Variants in SLC9A9 observed in about 807,000 individuals in gnomAD.
The protein encoded by SLC9A9 is solute carrier family 9 member A9, also known as sodium/hydrogen exchanger 9.
A neutral mutation model predicts 77.8 loss-of-function variants in SLC9A9; 62 were observed. The ratio of observed to expected loss-of-function variants is 0.80; its 90% confidence interval spans 0.65 to 0.98. The LOEUF (loss-of-function observed/expected upper bound fraction) is 0.98. Among genes scored for constraint, SLC9A9 ranks in the 50% least tolerant of loss-of-function variants. SLC9A9 has a pLI of 0.00. For missense variants in SLC9A9, 775 were observed against 774.9 expected, an observed-to-expected ratio of 1.00 and a Z score of 0.00; for synonymous variants, 320 against 283.5, an observed-to-expected ratio of 1.13 and a Z score of -1.29.
chr3:143,652,778 T>TACACACACACACACACACACACACAC (rs369670861), intron 5 of SLC9A9, among the ~76,000 whole-genome samples: 4 of 82,436 alleles, frequency 4.9e-5, no homozygotes, highest in Admixed American at 1.3e-4. Flanking sequence ...ATTCCTTAAA[T>TACACACACACACACACACACACACAC]ACACACACAC....
chr3:143,526,117 T>C (rs1352474823), intron 9 of SLC9A9, among the ~76,000 whole-genome samples: 2 of 152,198 alleles, frequency 1.3e-5, no homozygotes, highest in African/African-American at 4.8e-5. Flanking sequence ...ATTGAAAGCT[T>C]TTGGCCAGTG....
At position 143,268,970 on chromosome 3, in the gene SLC9A9, G is replaced by C. The variant is rs1215303015; in HGVS notation, c.1615C>G (p.Pro539Ala). The change falls in exon 15 of 16, where the codon CCA (proline) becomes GCA (alanine). Residue 539 changes from proline (P) to alanine (A), a missense_variant. Physicochemically the swap from Pro to Ala is conservative, Grantham distance 27 (BLOSUM62 -1). Transcript: ENST00000316549. ...GGAGGACCAGAGTGGGTTAAAATTG[G>C]TTTCAGATACCTGGGAGGCCTGTTA... ...WYSFDHKYLK[P>A]ILTHSGPPLT... is the part of the protein sequence containing the mutation. The C allele has an allele frequency of 4.3e-6, 7 of 1,612,922 alleles. No individual in the cohort carries two copies. The highest frequency in any genetic ancestry group is 5.1e-6 in the Non-Finnish European group (6 of 1,179,116).
intron 6 of SLC9A9, among the ~76,000 whole-genome samples, chr3:143,583,930 C>A (rs372806957): frequency 1.3e-5 from 2 of 152,090 alleles, no homozygotes; most frequent in South Asian, 4.2e-4. Flanking sequence ...TTGTTTTGTG[C>A]AGAATGGTGT....
chr3:143,603,830 G>A lies in SLC9A9; in HGVS notation c.756-25107C>T, dbSNP rs762033802. On this transcript the variant is annotated intron_variant, in intron 6 of 15. Transcript: ENST00000316549. ...AGCAGATCACCAGAAACAACCTGAC[G>A]TGAGTATTTTAGCAGTGGCTTTATT... Among the ~76,000 whole-genome samples, 8 of 152,200 alleles carry A rather than the reference G, an allele frequency of 5.3e-5. No individual in the cohort carries two copies. The East Asian group carries it at 7.7e-4, about 15-fold the overall frequency.
At chr3:143,279,848 G>A (rs1938163674) in intron 14 of SLC9A9, among the ~76,000 whole-genome samples, 1 of 152,052 alleles carries the variant, frequency 6.6e-6, no homozygotes, top group Non-Finnish European at 1.5e-5. Flanking sequence ...AAAAAAACAG[G>A]GTCTTGCTCT....
chr3:143,589,176 AT>A (rs1280838973), intron 6 of SLC9A9, among the ~76,000 whole-genome samples: 1 of 152,208 alleles, frequency 6.6e-6, no homozygotes, highest in African/African-American at 2.4e-5. Context: ...AGCATTCACT[AT>A]GTGTCAAGCA....
chr3:143,765,037 CTCTT>C (rs2007264321), intron 4 of SLC9A9, among the ~76,000 whole-genome samples: 2 of 147,874 alleles, frequency 1.4e-5, no homozygotes, highest in Admixed American at 6.8e-5. Flanking sequence ...TTCTCTCTTT[CTCTT>C]TCTTTTTCTT....
intron 9 of SLC9A9, among the ~76,000 whole-genome samples, chr3:143,500,132 T>G (rs1198264752): frequency 6.6e-6 from 1 of 152,162 alleles, no homozygotes; most frequent in Non-Finnish European, 1.5e-5. Context: ...TGTAGGAAGA[T>G]TTTTAATTAC....
At chr3:143,351,105 T>C (rs1269588283) in intron 14 of SLC9A9, among the ~76,000 whole-genome samples, 1 of 152,220 alleles carries the variant, frequency 6.6e-6, no homozygotes, top group Non-Finnish European at 1.5e-5. Flanking sequence ...TTTTTGATTA[T>C]GATCCCATTA....
rs1432043655 is a variant in SLC9A9, at chr3:143,693,243, GAA to G, written c.596_597del (p.Phe199SerfsTer4). 2 of 1,613,382 alleles carry G rather than the reference GAA, an allele frequency of 1.2e-6. No homozygotes were observed. Among genetic ancestry groups the G allele is most frequent in the Non-Finnish European group, 1.7e-6 (2 of 1,179,582 alleles). On this transcript the variant is annotated frameshift_variant, in exon 5 of 16. Transcript: ENST00000316549. LOFTEE classifies it high-confidence loss of function. ...IHAGQLKNGD[F>X]HFTDCLFFGS... ...CCAAAAAATAAACAGTCAGTGAAATGAAAGTCTCCATTTTTCAGCTGGCCAGC... is the reference window on the plus strand; with the variant it reads ...CCAAAAAATAAACAGTCAGTGAAATGAGTCTCCATTTTTCAGCTGGCCAGC...
chr3:143,439,267 T>C (rs912927908), intron 12 of SLC9A9, among the ~76,000 whole-genome samples: 7 of 151,976 alleles, frequency 4.6e-5, no homozygotes, highest in African/African-American at 1.5e-4. Context: ...TGCAGAAAGG[T>C]GAAATAACTT....
intron 14 of SLC9A9, among the ~76,000 whole-genome samples, chr3:143,341,408 A>G (rs1423212624): frequency 6.6e-6 from 1 of 152,190 alleles, no homozygotes; most frequent in African/African-American, 2.4e-5. Context: ...GGAGGGCAAG[A>G]GAGTCATCCC....
At chr3:143,608,037 G>A (rs965587783) in intron 6 of SLC9A9, among the ~76,000 whole-genome samples, 1 of 152,052 alleles carries the variant, frequency 6.6e-6, no homozygotes, top group Non-Finnish European at 1.5e-5. Flanking sequence ...CAAATAAAGT[G>A]TAATATATAA....
chr3:143,526,210 G>A (rs1380228697), intron 9 of SLC9A9, among the ~76,000 whole-genome samples: 2 of 152,194 alleles, frequency 1.3e-5, no homozygotes, highest in African/African-American at 4.8e-5. Flanking sequence ...GGGGAAGATA[G>A]TGGGCAAAGC....
intron 14 of SLC9A9, among the ~76,000 whole-genome samples, chr3:143,294,703 T>C (rs2030168493): frequency 6.6e-6 from 1 of 152,208 alleles, no homozygotes; most frequent in African/African-American, 2.4e-5. Context: ...TTTTAAATCT[T>C]ACTTCCACTG....
At chr3:143,744,509 A>G (rs564685195) in intron 4 of SLC9A9, among the ~76,000 whole-genome samples, 2 of 152,264 alleles carry the variant, frequency 1.3e-5, no homozygotes, top group African/African-American at 2.4e-5. Flanking sequence ...GGATAATAAA[A>G]TATCTCTCTC....
chr3:143,574,184 A>C lies in SLC9A9; in HGVS notation c.904T>G (p.Phe302Val). 6.2e-7 allele frequency: 1 copy of C among 1,613,040 alleles called. No homozygotes were observed. Among genetic ancestry groups the C allele is most frequent in the South Asian group, 1.1e-5 (1 of 91,054 alleles). ...YAIITALLTKFTKLCEFPMLE... is the reference protein window; with the variant it reads ...YAIITALLTKVTKLCEFPMLE... ...ATCGGGAACTCACACAGCTTGGTAA[A>C]TTTGGTCAAGTGAGGAAGATAAGTT... The change falls in exon 8 of 16, where the codon TTT becomes GTT. Residue 302 changes from phenylalanine to valine, a missense_variant. Phe to Val is a conservative substitution (Grantham distance 50). Transcript: ENST00000316549.
intron 13 of SLC9A9, among the ~76,000 whole-genome samples, chr3:143,374,567 A>G (rs116244008): frequency 0.018 from 2,694 of 152,100 alleles, 95 homozygotes; most frequent in African/African-American, 0.062. Context: ...ACTATTTAAC[A>G]GATAAAGAAA....
chr3:143,579,452 A>G (rs1439907943), intron 6 of SLC9A9, among the ~76,000 whole-genome samples: 1 of 151,984 alleles, frequency 6.6e-6, no homozygotes, highest in East Asian at 1.9e-4. Context: ...CATATAAGCT[A>G]TTTTTTTTAA....
Sources: allele counts gnomAD v4.1 joint callset (sites outside exome capture counted in the v4.1 genomes callset), GRCh38; gene constraint gnomAD v4.1.1; transcripts MANE v1.5; gene names NCBI Gene and HGNC (gene_info 2026-07-23, HGNC 2026-07-21).